OLA1: variants seen among roughly 807,000 people sequenced by gnomAD.
OLA1 encodes Obg like ATPase 1, also known as obg-like ATPase 1.
Under a neutral mutation model 48.4 loss-of-function variants are expected in OLA1, and 14 were observed. The ratio of observed to expected loss-of-function variants is 0.29; its 90% CI spans 0.19 to 0.45. OLA1 has a LOEUF of 0.45. Among genes scored for constraint, OLA1 ranks in the 20% least tolerant of loss-of-function variants. The probability of loss-of-function intolerance (pLI) is 1.00; values close to 1 mark genes in which losing one functional copy is unlikely to be tolerated. For missense variants in OLA1, 325 were observed against 467.1 expected, an observed-to-expected ratio of 0.70 and a Z score of 2.80; for synonymous variants, 127 against 150.4, an observed-to-expected ratio of 0.84 and a Z score of 1.14.
intron 4 of OLA1, among the ~76,000 whole-genome samples, chr2:174,143,523 C>G (rs1686509158): frequency 6.6e-6 from 1 of 152,162 alleles, no homozygotes; most frequent in Admixed American, 6.5e-5. Flanking sequence ...CTGTGACACT[C>G]AGAATGAAAA....
chr2:174,106,683 C>A (rs1316036872), intron 7 of OLA1, among the ~76,000 whole-genome samples: 1 of 152,178 alleles, frequency 6.6e-6, no homozygotes, highest in East Asian at 1.9e-4. Context: ...GAAAAGAAGT[C>A]AATAATAATG....
Position 174,158,583 on chromosome 2 carries a change from TA to T in OLA1, c.374-16584del, listed in dbSNP as rs202172822. Among the ~76,000 whole-genome samples, 81 of 152,286 alleles carry T rather than the reference TA, an allele frequency of 5.3e-4. No individual in the cohort carries two copies. In the East Asian group the frequency reaches 0.013, roughly 24 times the overall value. ...GTTCTGACATCATCAAGACTTTAGTTAAATATGAATACATTTAATGCATCAA... is the reference window on the plus strand; with the variant it reads ...GTTCTGACATCATCAAGACTTTAGTTAATATGAATACATTTAATGCATCAA... On this transcript the variant is annotated intron_variant, in intron 4 of 10. Coordinates refer to ENST00000284719, the MANE Select transcript of OLA1 (RefSeq NM_013341.5).
At chr2:174,201,257 T>G (rs1687984065) in intron 4 of OLA1, among the ~76,000 whole-genome samples, 1 of 152,158 alleles carries the variant, frequency 6.6e-6, no homozygotes, top group South Asian at 2.1e-4. Context: ...ATGAGAGAAG[T>G]TAAAATGATG....
At chr2:174,200,118 G>T (rs887923016) in intron 4 of OLA1, among the ~76,000 whole-genome samples, 2 of 152,000 alleles carry the variant, frequency 1.3e-5, no homozygotes, top group Non-Finnish European at 2.9e-5. Flanking sequence ...GTTTTAAAAT[G>T]AATTATTAAG....
chr2:174,247,808 T>C (rs551946110), intron 1 of OLA1: 228 of 1,548,602 alleles, frequency 1.5e-4, no homozygotes, highest in Non-Finnish European at 1.8e-4. Flanking sequence ...AACCTTTTTA[T>C]TTACAAGTCG....
chr2:174,107,259 G>A (rs903772153), intron 7 of OLA1, among the ~76,000 whole-genome samples: 6 of 152,108 alleles, frequency 3.9e-5, no homozygotes, highest in African/African-American at 1.4e-4. Context: ...CATTTTACTT[G>A]GGTACTTTAT....
intron 5 of OLA1, among the ~76,000 whole-genome samples, chr2:174,132,100 T>G (rs12622510): frequency 0.14 from 20,734 of 151,986 alleles, 1,555 homozygotes; most frequent in East Asian, 0.21. Flanking sequence ...TTAAGCAGTC[T>G]TTTAAATTTG....
intron 7 of OLA1, among the ~76,000 whole-genome samples, chr2:174,103,728 A>G (rs752251559): frequency 6.6e-6 from 1 of 152,210 alleles, no homozygotes; most frequent in Admixed American, 6.6e-5. Context: ...TGAACAAAAC[A>G]TGCATGGTCC....
chr2:174,171,025 T>G (rs1687288453), intron 4 of OLA1, among the ~76,000 whole-genome samples: 1 of 152,242 alleles, frequency 6.6e-6, no homozygotes, highest in Non-Finnish European at 1.5e-5. Flanking sequence ...GTACTGCATA[T>G]TTTTAAATGA....
chr2:174,148,357 C>A, intron 4 of OLA1, among the ~76,000 whole-genome samples: 1 of 152,110 alleles, frequency 6.6e-6, no homozygotes, highest in East Asian at 1.9e-4. Flanking sequence ...CCACTGTACT[C>A]CAGCCGGAGC....
At chr2:174,223,279 G>T in intron 3 of OLA1, 119 bp from the exon 4 acceptor site, 1 of 983,878 alleles carries the variant, frequency 1.0e-6, no homozygotes, top group Non-Finnish European at 1.5e-6. Flanking sequence ...GAACAATAAT[G>T]ATTTGATAAA....
chr2:174,152,016 G>A (rs530850589), intron 4 of OLA1, among the ~76,000 whole-genome samples: 1 of 152,176 alleles, frequency 6.6e-6, no homozygotes, highest in African/African-American at 2.4e-5. Flanking sequence ...AAAGCAATTT[G>A]AGCAATTTGA....
rs185220609 is a variant in OLA1 at position 174,182,387 on chromosome 2, G to A, written c.374-40387C>T. Among the ~76,000 whole-genome samples the A allele has an allele frequency of 5.2e-4, 79 of 152,142 alleles. 1 individual carries two copies. In the Middle Eastern group the frequency reaches 0.014, roughly 26 times the overall value. Reference sequence around the variant, plus strand: ...TAAAAATACAAAAAATTAGCCAGGCGTGGTGGCACATGCCTGTAATTCCAC... The same window carrying A: ...TAAAAATACAAAAAATTAGCCAGGCATGGTGGCACATGCCTGTAATTCCAC... On this transcript the variant is annotated intron_variant, in intron 4 of 10. Coordinates refer to ENST00000284719, the MANE Select transcript of OLA1 (RefSeq NM_013341.5).
intron 2 of OLA1, among the ~76,000 whole-genome samples, chr2:174,237,680 G>A: frequency 6.6e-6 from 1 of 152,160 alleles, no homozygotes; most frequent in East Asian, 1.9e-4. Flanking sequence ...CTTGAGCCCA[G>A]GAGCTCTAGG....
At chr2:174,234,138 C>T (rs903911019) in intron 2 of OLA1, among the ~76,000 whole-genome samples, 1 of 152,132 alleles carries the variant, frequency 6.6e-6, no homozygotes, top group Non-Finnish European at 1.5e-5. Context: ...TCCTCCTCAA[C>T]CCACTCAACA....
At chr2:174,136,317 C>T (rs756927115) in intron 5 of OLA1, among the ~76,000 whole-genome samples, 2 of 152,336 alleles carry the variant, frequency 1.3e-5, no homozygotes, top group South Asian at 2.1e-4. Context: ...TCTCAAACCC[C>T]GCCACTGCCT....
At chr2:174,205,047 T>C (rs1688077799) in intron 4 of OLA1, among the ~76,000 whole-genome samples, 2 of 152,184 alleles carry the variant, frequency 1.3e-5, no homozygotes, top group Non-Finnish European at 2.9e-5. Context: ...TCTAAAACGG[T>C]GTTAAAGTGT....
At chr2:174,118,824 A>T (rs980446256) in intron 7 of OLA1, among the ~76,000 whole-genome samples, 6 of 152,306 alleles carry the variant, frequency 3.9e-5, no homozygotes, top group South Asian at 2.1e-4. Context: ...ATTGGCTATA[A>T]ATAGTATTGC....
intron 7 of OLA1, among the ~76,000 whole-genome samples, chr2:174,096,524 C>T (rs1685259672): frequency 6.6e-6 from 1 of 152,196 alleles, no homozygotes; most frequent in African/African-American, 2.4e-5. Context: ...CATATGACGT[C>T]TGACCTTCCT....
Sources: allele counts gnomAD v4.1 joint callset (sites outside exome capture counted in the v4.1 genomes callset), GRCh38; gene constraint gnomAD v4.1.1; transcripts MANE v1.5; gene names NCBI Gene and HGNC (gene_info 2026-07-23, HGNC 2026-07-21).